Variants in PRKAR1A observed in about 807,000 individuals in gnomAD.
PRKAR1A encodes the protein cAMP-dependent protein kinase type I-alpha regulatory subunit.
In PRKAR1A, 3 loss-of-function variants were observed where a neutral mutation model predicts 52.0. That is an observed-to-expected ratio of 0.06 (90% confidence interval 0.03 to 0.15). The LOEUF (loss-of-function observed/expected upper bound fraction) is 0.15. Ranked by LOEUF, PRKAR1A falls within the 10% of genes least tolerant of loss-of-function variation. The pLI is 1.00. For synonymous variants in PRKAR1A, 188 were observed against 168.4 expected (o/e 1.12, Z -0.90); for missense variants, 240 against 477.4 (o/e 0.50, Z 4.63).
At chr17:68,452,859 G>A in the PRKAR1A span, 1 of 1,541,884 alleles carries the variant, frequency 6.5e-7, no homozygotes, top group African/African-American at 1.4e-5. Context: ...AGCCTAGAAG[G>A]AGGCTCTGGT....
the PRKAR1A span, among the ~76,000 whole-genome samples, chr17:68,476,448 A>G: frequency 2.6e-5 from 4 of 152,100 alleles, no homozygotes; most frequent in Non-Finnish European, 5.9e-5. Flanking sequence ...ATTGTTCAAA[A>G]TTTACAAGTA....
rs540185706 is a variant in PRKAR1A at position 68,532,467 on chromosome 17, C to T, written c.*2018C>T. 13 of 1,060,664 alleles carry T rather than the reference C, an allele frequency of 1.2e-5. No homozygotes were observed. In the South Asian group the frequency reaches 4.6e-4, roughly 37 times the overall value. The allele number at this position is 1,060,664 out of a possible 1,614,324, so 65.7% of individuals were successfully genotyped here. A position where few individuals can be genotyped will look rare whatever the true frequency, so the allele number is the denominator to read the frequency against. On this transcript the variant is annotated 3_prime_UTR_variant, in exon 11 of 11. Coordinates refer to ENST00000589228, the MANE Select transcript of PRKAR1A (RefSeq NM_002734.5). ...ATTAAAAACTTTAAAGATAAGTCTACATTAAACAATGATCACATCTAAAGC... is the reference window on the plus strand; with the variant it reads ...ATTAAAAACTTTAAAGATAAGTCTATATTAAACAATGATCACATCTAAAGC...
At chr17:68,428,518 C>T in the PRKAR1A span, 1 of 237,668 alleles carries the variant, frequency 4.2e-6, no homozygotes, top group Non-Finnish European at 8.4e-6. Context: ...CAGGTGTGAG[C>T]CGCCACACCT....
chr17:68,486,737 CTT>C, the PRKAR1A span, among the ~76,000 whole-genome samples: 2 of 151,574 alleles, frequency 1.3e-5, no homozygotes, highest in Non-Finnish European at 2.9e-5. Context: ...TGGAATGAAA[CTT>C]GAGCTGAAAA....
At chr17:68,541,896 A>G in intron 11 of PRKAR1A, 1 of 1,474,910 alleles carries the variant, frequency 6.8e-7, no homozygotes, top group Non-Finnish European at 9.2e-7. Context: ...AGCTTTTCAG[A>G]TTCAAAAGCC....
chr17:68,417,474 G>T, the PRKAR1A span, among the ~76,000 whole-genome samples: 1 of 152,046 alleles, frequency 6.6e-6, no homozygotes, highest in Non-Finnish European at 1.5e-5. Flanking sequence ...GTGCCGCGGT[G>T]GGGGGTGGCG....
the PRKAR1A span, among the ~76,000 whole-genome samples, chr17:68,460,693 T>G: frequency 6.6e-6 from 1 of 152,256 alleles, no homozygotes; most frequent in Non-Finnish European, 1.5e-5. Context: ...TAAAAACCTG[T>G]ATTTGTAGGT....
At chr17:68,522,060 G>A (rs1041644731) in intron 2 of PRKAR1A, among the ~76,000 whole-genome samples, 1 of 152,212 alleles carries the variant, frequency 6.6e-6, no homozygotes, top group African/African-American at 2.4e-5. Flanking sequence ...TGATTACAAA[G>A]AGTGATCCTA....
chr17:68,463,361 AAGG>A, the PRKAR1A span, among the ~76,000 whole-genome samples: 31 of 152,312 alleles, frequency 2.0e-4, no homozygotes, highest in African/African-American at 7.5e-4. Flanking sequence ...ACTTCCTCTG[AAGG>A]AGGAGAAGTT....
the PRKAR1A span, among the ~76,000 whole-genome samples, chr17:68,457,821 G>C: frequency 6.6e-6 from 1 of 152,190 alleles, no homozygotes; most frequent in Non-Finnish European, 1.5e-5. Flanking sequence ...ATTGGACAAA[G>C]GCGCGTGACG....
At chr17:68,453,942 G>C in the PRKAR1A span, among the ~76,000 whole-genome samples, 1 of 152,136 alleles carries the variant, frequency 6.6e-6, no homozygotes, top group Non-Finnish European at 1.5e-5. Context: ...TGAAGTTCAA[G>C]TATTCTAATG....
chr17:68,547,913 A>G (rs1045480601), intron 11 of PRKAR1A, among the ~76,000 whole-genome samples: 2 of 152,188 alleles, frequency 1.3e-5, no homozygotes, highest in African/African-American at 4.8e-5. Flanking sequence ...CTTCCTTACT[A>G]GCCTCCTGAA....
chr17:68,416,363 G>A, the PRKAR1A span, among the ~76,000 whole-genome samples: 1 of 152,146 alleles, frequency 6.6e-6, no homozygotes, highest in African/African-American at 2.4e-5. Context: ...TTTCTAGCTT[G>A]TAGGGTATCT....
the PRKAR1A span, among the ~76,000 whole-genome samples, chr17:68,465,411 C>G: frequency 6.6e-6 from 1 of 151,950 alleles, no homozygotes; most frequent in South Asian, 2.1e-4. Flanking sequence ...GGAGACAGAC[C>G]AGATTGTTTC....
At chr17:68,521,797 C>G (rs896349864) in intron 2 of PRKAR1A, among the ~76,000 whole-genome samples, 1 of 152,096 alleles carries the variant, frequency 6.6e-6, no homozygotes, top group Non-Finnish European at 1.5e-5. Flanking sequence ...TGGGCACTTA[C>G]AAATTTATAT....
the PRKAR1A span, among the ~76,000 whole-genome samples, chr17:68,484,339 G>A: frequency 1.3e-5 from 2 of 152,110 alleles, no homozygotes; most frequent in African/African-American, 2.4e-5. Context: ...ATTTTTGATA[G>A]TATTAGAAAT....
chr17:68,436,822 C>T, the PRKAR1A span, among the ~76,000 whole-genome samples: 1 of 151,948 alleles, frequency 6.6e-6, no homozygotes, highest in African/African-American at 2.4e-5. Context: ...CATGGTGAAA[C>T]CCCATCTCTA....
downstream of PRKAR1A, chr17:68,536,198 G>A (rs749849917): frequency 2.2e-6 from 1 of 454,100 alleles, no homozygotes; most frequent in South Asian, 1.6e-5. Flanking sequence ...GACATTTCTG[G>A]TTCTTGACCT....
At chr17:68,508,377 C>T (rs1485397811), upstream of PRKAR1A, among the ~76,000 whole-genome samples, 4 of 152,150 alleles carry the variant, frequency 2.6e-5, no homozygotes, top group Admixed American at 1.3e-4. Flanking sequence ...TCATGTCTTT[C>T]GCAGCAACAT....
Sources: gnomAD v4.1 joint callset for allele counts (sites outside exome capture counted in the v4.1 genomes callset) on GRCh38, gnomAD v4.1.1 for gene constraint, MANE v1.5 for transcripts, NCBI Gene and HGNC (gene_info 2026-07-23, HGNC 2026-07-21) for gene names.